The following DLG2 variants were observed in gnomAD, a reference collection of about 807,000 sequenced individuals.
DLG2 encodes the protein discs large MAGUK scaffold protein 2.
Under a neutral mutation model 132.5 loss-of-function variants are expected in DLG2, and 45 were observed. That is an observed-to-expected ratio of 0.34 (90% CI 0.27 to 0.44). The LOEUF is 0.44. Among genes scored for constraint, DLG2 ranks in the 20% least tolerant of loss-of-function variants. The pLI is 1.00. For synonymous variants in DLG2, 424 were observed against 419.6 expected (o/e 1.01, Z -0.13); for missense variants, 1,045 against 1,196.9 (o/e 0.87, Z 1.87).
At position 85,263,825 on chromosome 11, in the gene DLG2, T is replaced by A. The variant is rs7111966; in HGVS notation, c.186+21395A>T. ...GGTCCCCATACGGGTCACCAAAATG[T>A]CATAGGTGCATCTGGCTGAAGCTGA... On this transcript the variant is annotated intron_variant, in intron 4 of 27. Coordinates refer to ENST00000376104, the MANE Select transcript of DLG2 (RefSeq NM_001142699.3). 9.5e-3 allele frequency among the ~76,000 whole-genome samples: 1,452 copies of A among 152,266 alleles called. 20 individuals carry two copies. The highest frequency in any genetic ancestry group is 0.032 in the African/African-American group (1,312 of 41,542).
chr11:84,110,196 G>A (rs867796821), intron 9 of DLG2, among the ~76,000 whole-genome samples: 1 of 152,174 alleles, frequency 6.6e-6, no homozygotes, highest in Non-Finnish European at 1.5e-5. Context: ...AAGAATGTGA[G>A]TTAATGACAA....
chr11:84,330,674 A>G (rs1049080706), intron 7 of DLG2, among the ~76,000 whole-genome samples: 1 of 152,298 alleles, frequency 6.6e-6, no homozygotes, highest in Admixed American at 6.5e-5. Context: ...AGCAGGGGAG[A>G]AAACTAAGGT....
chr11:85,480,030 A>G (rs1373548476), intron 3 of DLG2, among the ~76,000 whole-genome samples: 2 of 152,208 alleles, frequency 1.3e-5, no homozygotes, highest in Non-Finnish European at 2.9e-5. Context: ...TAGGACTTCA[A>G]CACATGAATT....
Position 83,544,095 on chromosome 11 carries a change from G to T in DLG2, c.1941-2237C>A, listed in dbSNP as rs142474031. The stretch of plus-strand genomic sequence containing the variant: ...AAGATTCCCTGGTAGATAACATTTC[G>T]CACCTGTTGTCGCAATTTGTTGCTG... On this transcript the variant is annotated intron_variant, in intron 19 of 27. Transcript: ENST00000376104. Among the ~76,000 whole-genome samples the T allele has an allele frequency of 4.8e-3, 728 of 152,218 alleles. 28 individuals are homozygous for T. The highest frequency in any genetic ancestry group is 0.043 in the Admixed American group (658 of 15,288).
At chr11:84,147,870 A>C (rs2095143516) in intron 9 of DLG2, among the ~76,000 whole-genome samples, 2 of 152,316 alleles carry the variant, frequency 1.3e-5, no homozygotes, top group African/African-American at 2.4e-5. Flanking sequence ...GGGTAGATAA[A>C]TGTTTGTGTA....
At chr11:84,923,090 C>T in intron 6 of DLG2, 1 of 1,613,880 alleles carries the variant, frequency 6.2e-7, no homozygotes, top group Non-Finnish European at 8.5e-7. Flanking sequence ...CACGTTAGTC[C>T]GGAGTGCACA....
Position 83,963,008 on chromosome 11 carries a change from A to G in DLG2, c.1217T>C (p.Met406Thr). The G allele has an allele frequency of 1.2e-6, 2 of 1,612,794 alleles. No homozygotes were observed. Among genetic ancestry groups the G allele is most frequent in the East Asian group, 2.2e-5 (1 of 44,848 alleles). ...GTTGCCAGAGAGTAGATGGTTTTCC[A>G]TTGGTGGAGAATAAGCTAAGAGGTG... ...PDITHSYSPPMENHLLSGNNG... is the reference protein window; with the variant it reads ...PDITHSYSPPTENHLLSGNNG... Residue 406 changes from methionine (M) to threonine (T), a missense_variant, in exon 14 of 28, where the codon ATG becomes ACG. Transcript: ENST00000376104.
chr11:85,146,641 C>T (rs2076882873), intron 5 of DLG2, among the ~76,000 whole-genome samples: 1 of 152,118 alleles, frequency 6.6e-6, no homozygotes, highest in Non-Finnish European at 1.5e-5. Flanking sequence ...TTTTCTTCTG[C>T]TTTCCCAAAG....
chr11:83,883,356 T>A (rs139016311), intron 15 of DLG2, among the ~76,000 whole-genome samples: 1,916 of 152,320 alleles, frequency 0.013, 29 homozygotes, highest in South Asian at 0.072. Context: ...CCATTTTTTT[T>A]CTGAAGTTCT....
chr11:83,805,608 C>A (rs1033830680), intron 17 of DLG2, among the ~76,000 whole-genome samples: 6 of 152,096 alleles, frequency 3.9e-5, no homozygotes, highest in African/African-American at 1.2e-4. Flanking sequence ...ACTCTCAATA[C>A]CTTGATAGTC....
chr11:83,622,103 T>G (rs1349648839), intron 19 of DLG2, among the ~76,000 whole-genome samples: 2 of 152,044 alleles, frequency 1.3e-5, no homozygotes, highest in African/African-American at 4.8e-5. Flanking sequence ...TTTTGTTTTG[T>G]TTTTGGTAGA....
chr11:84,923,592 A>C, intron 6 of DLG2: 1 of 991,972 alleles, frequency 1.0e-6, no homozygotes, highest in Non-Finnish European at 1.2e-6. Context: ...CTGTAAATGA[A>C]GAGGAAACCC....
intron 18 of DLG2, among the ~76,000 whole-genome samples, chr11:83,776,838 T>C (rs539468834): frequency 3.9e-5 from 6 of 152,370 alleles, no homozygotes; most frequent in African/African-American, 1.4e-4. Context: ...TCCCGTGGAA[T>C]GCCTTCTTGA....
intron 6 of DLG2, among the ~76,000 whole-genome samples, chr11:84,666,793 A>G (rs559515437): frequency 6.6e-6 from 1 of 152,112 alleles, no homozygotes; most frequent in African/African-American, 2.4e-5. Flanking sequence ...TTCATGGCTG[A>G]AGAAATAAAG....
chr11:83,562,614 T>C (rs911692763), intron 19 of DLG2, among the ~76,000 whole-genome samples: 2 of 152,224 alleles, frequency 1.3e-5, no homozygotes, highest in Admixed American at 6.5e-5. Flanking sequence ...TATTAGTTTA[T>C]TTTTATTATT....
At chr11:85,202,203 G>T (rs953368541) in intron 4 of DLG2, among the ~76,000 whole-genome samples, 18 of 150,330 alleles carry the variant, frequency 1.2e-4, no homozygotes, top group African/African-American at 4.1e-4. Flanking sequence ...TTCAGGTACA[G>T]AAAGGTGAAA....
At chr11:84,909,215 G>A (rs1031899642) in intron 6 of DLG2, among the ~76,000 whole-genome samples, 7 of 152,170 alleles carry the variant, frequency 4.6e-5, no homozygotes, top group South Asian at 4.2e-4. Flanking sequence ...CTACAAAACC[G>A]TTCTTGCTCA....
chr11:84,593,475 G>A (rs2099549033), intron 6 of DLG2, among the ~76,000 whole-genome samples: 1 of 152,276 alleles, frequency 6.6e-6, no homozygotes, highest in South Asian at 2.1e-4. Flanking sequence ...AAAAAAGGAT[G>A]AGTTTATGTC....
chr11:84,434,029 G>C (rs1249618787), intron 7 of DLG2, among the ~76,000 whole-genome samples: 1 of 150,666 alleles, frequency 6.6e-6, no homozygotes, highest in Non-Finnish European at 1.5e-5. Flanking sequence ...GCGGTGGGAG[G>C]ATCACCTGAG....
Sources: allele counts gnomAD v4.1 joint callset (sites outside exome capture counted in the v4.1 genomes callset), GRCh38; gene constraint gnomAD v4.1.1; transcripts MANE v1.5; gene names NCBI Gene and HGNC (gene_info 2026-07-23, HGNC 2026-07-21).